Variants in NLN observed in about 807,000 individuals in gnomAD.
The protein encoded by NLN is neurolysin, also known as neurolysin, mitochondrial.
A neutral mutation model predicts 79.9 loss-of-function variants in NLN; 64 were observed. The observed-to-expected ratio is 0.80, with a 90% CI of 0.65 to 0.99. NLN has a LOEUF of 0.99. Among genes scored for constraint, NLN ranks in the 50% least tolerant of loss-of-function variants. The pLI, the probability that NLN is intolerant of heterozygous loss-of-function variation, is 0.00. For synonymous variants in NLN, 267 were observed against 296.6 expected, an observed-to-expected ratio of 0.90 and a Z score of 1.02; for missense variants, 835 against 858.7, an observed-to-expected ratio of 0.97 and a Z score of 0.34.
chr5:65,728,070 A>G (rs1242797619), intron 1 of NLN, among the ~76,000 whole-genome samples: 2 of 152,172 alleles, frequency 1.3e-5, no homozygotes, highest in Admixed American at 6.5e-5. Flanking sequence ...ACCTGGCCTA[A>G]AAAACACAGC....
At position 65,827,502 on chromosome 5, in the gene NLN, T is replaced by TA. The variant is rs1760942914; in HGVS notation, c.*4587_*4588insA. On this transcript the variant is annotated 3_prime_UTR_variant, in exon 13 of 13. Transcript: ENST00000380985. ...CGTCCAGCAAGACACGCATTGCTGT[T>TA]GATATCTTTGTGGCTAAGATGGAGA... 6.6e-6 allele frequency: 1 copy of TA among 152,212 alleles called. No individual in the cohort carries two copies. The highest frequency in any genetic ancestry group is 2.4e-5 in the African/African-American group (1 of 41,446). The allele number at this position is 152,212 out of a possible 1,614,324, so 9.4% of individuals were successfully genotyped here.
At chr5:65,810,238 TG>T in intron 11 of NLN, 73 bp downstream of exon 11, 1 of 1,334,680 alleles carries the variant, frequency 7.5e-7, no homozygotes, top group South Asian at 1.2e-5. Context: ...GCAGGGGAGA[TG>T]GAGTTTGTCA....
intron 2 of NLN, among the ~76,000 whole-genome samples, chr5:65,761,895 A>G (rs1759348542): frequency 6.6e-6 from 1 of 152,188 alleles, no homozygotes; most frequent in Non-Finnish European, 1.5e-5. Context: ...ACTGTCTACT[A>G]TATATCATAT....
chr5:65,793,126 G>A (rs1760103549), intron 9 of NLN: 1 of 263,482 alleles, frequency 3.8e-6, no homozygotes, highest in African/African-American at 2.3e-5. Flanking sequence ...AGATAATATA[G>A]TCTAACCATG....
At position 65,785,827 on chromosome 5, in the gene NLN, A is replaced by G. The variant is rs1759906401; in HGVS notation, c.875A>G (p.Lys292Arg). The change falls in exon 7 of 13, where the codon AAA (lysine) becomes AGA (arginine). Residue 292 changes from lysine to arginine, a missense_variant. Physicochemically the swap from Lys to Arg is conservative, Grantham distance 26. Transcript: ENST00000380985. Reference sequence around the variant, plus strand: ...CTCCCACTGCGAACCAAGGTGGCCAAACTACTCGGTTATAGCACACATGCT... The same window carrying G: ...CTCCCACTGCGAACCAAGGTGGCCAGACTACTCGGTTATAGCACACATGCT... ...QLLPLRTKVA[K>R]LLGYSTHADF... 6 of 1,613,936 alleles carry G rather than the reference A, an allele frequency of 3.7e-6. No homozygotes were observed. The highest frequency in any genetic ancestry group is 5.1e-6 in the Non-Finnish European group (6 of 1,179,834).
At chr5:65,743,000 A>G (rs2561226) in intron 1 of NLN, among the ~76,000 whole-genome samples, 36,009 of 152,144 alleles carry the variant, frequency 0.24, 4,395 homozygotes, top group African/African-American at 0.27. Context: ...TAAAACATAT[A>G]TGTTATATGC....
At chr5:65,736,518 C>T (rs1323191676) in intron 1 of NLN, among the ~76,000 whole-genome samples, 9 of 151,990 alleles carry the variant, frequency 5.9e-5, no homozygotes, top group Admixed American at 5.9e-4. Flanking sequence ...TACTAATTTA[C>T]TTCCTTCTCT....
chr5:65,749,092 TCTC>T (rs904238083), intron 1 of NLN, among the ~76,000 whole-genome samples: 1 of 152,186 alleles, frequency 6.6e-6, no homozygotes, highest in African/African-American at 2.4e-5. Flanking sequence ...TGCTCCTCCT[TCTC>T]CTTCTGCTAT....
At chr5:65,724,927 AAGTAG>A (rs1758429642) in intron 1 of NLN, among the ~76,000 whole-genome samples, 1 of 149,732 alleles carries the variant, frequency 6.7e-6, no homozygotes, top group African/African-American at 2.5e-5. Context: ...TCAGCCTCCC[AAGTAG>A]CTGGGACTAC....
At chr5:65,801,548 T>C (rs1246666717) in intron 9 of NLN, among the ~76,000 whole-genome samples, 1 of 152,252 alleles carries the variant, frequency 6.6e-6, no homozygotes, top group Non-Finnish European at 1.5e-5. Context: ...ATTTAAATGA[T>C]GTTGCCCAAA....
At chr5:65,774,627 G>A (rs1759639555) in intron 3 of NLN, among the ~76,000 whole-genome samples, 1 of 151,864 alleles carries the variant, frequency 6.6e-6, no homozygotes, top group Non-Finnish European at 1.5e-5. Context: ...AGCAAGGAGT[G>A]TCTGGTTATA....
chr5:65,762,002 A>G (rs1286168287), intron 2 of NLN, among the ~76,000 whole-genome samples: 1 of 152,228 alleles, frequency 6.6e-6, no homozygotes, highest in Admixed American at 6.5e-5. Context: ...ACTATAAACC[A>G]TACTTATTTT....
chr5:65,737,819 A>G (rs1579911451), intron 1 of NLN, among the ~76,000 whole-genome samples: 3 of 152,240 alleles, frequency 2.0e-5, no homozygotes, highest in East Asian at 3.9e-4. Flanking sequence ...AAAAAAGTAG[A>G]CCTAGTTGTA....
chr5:65,790,230 G>C (rs900065340), intron 8 of NLN, among the ~76,000 whole-genome samples: 1 of 152,046 alleles, frequency 6.6e-6, no homozygotes, highest in South Asian at 2.1e-4. Context: ...ATACACACAA[G>C]TTTGTAATCC....
chr5:65,727,535 AC>A (rs1420297219), intron 1 of NLN, among the ~76,000 whole-genome samples: 2 of 151,998 alleles, frequency 1.3e-5, no homozygotes, highest in East Asian at 1.9e-4. Flanking sequence ...TAAAAAAAAA[AC>A]AAAAAGCAAA....
At position 65,722,292 on chromosome 5, in the gene NLN, G is replaced by C. The variant is rs1041088066; in HGVS notation, c.-82G>C. ...GCGGCTAGGCCGGCTCGAGACTCCC[G>C]GGCGCCCAGGCGCTGCCGCCCGCCT... On this transcript the variant is annotated 5_prime_UTR_variant, in exon 1 of 13. Coordinates refer to ENST00000380985, the MANE Select transcript of NLN (RefSeq NM_020726.5). 8.7e-7 allele frequency: 1 copy of C among 1,146,494 alleles called. No homozygotes were observed. Among genetic ancestry groups the C allele is most frequent in the Admixed American group, 2.9e-5 (1 of 34,094 alleles). 71.0% of individuals were successfully genotyped at this position (1,146,494 alleles called of 1,614,324 possible).
At chr5:65,783,016 T>A (rs1391096516) in intron 6 of NLN, among the ~76,000 whole-genome samples, 1 of 152,216 alleles carries the variant, frequency 6.6e-6, no homozygotes, top group East Asian at 1.9e-4. Flanking sequence ...ACCCAATTTC[T>A]GGTATTAATC....
chr5:65,753,504 G>A (rs985355702), intron 1 of NLN, among the ~76,000 whole-genome samples: 1 of 152,058 alleles, frequency 6.6e-6, no homozygotes, highest in Non-Finnish European at 1.5e-5. Flanking sequence ...CAGAAAACTA[G>A]TCAGGCATGG....
rs1760938052 is a variant in NLN, at chr5:65,827,284, T to TCTAGTC, written c.*4371_*4376dup. ...CCTGAGAAAATACAGGTTCAACACATCTAGTCCACGATGTACGTACAAGGG... is the reference window on the plus strand; with the variant it reads ...CCTGAGAAAATACAGGTTCAACACATCTAGTCCTAGTCCACGATGTACGTACAAGGG... On this transcript the variant is annotated 3_prime_UTR_variant, in exon 13 of 13. Transcript: ENST00000380985. The TCTAGTC allele has an allele frequency of 6.6e-6, 1 of 152,122 alleles. No homozygotes were observed. The highest frequency in any genetic ancestry group is 1.5e-5 in the Non-Finnish European group (1 of 68,020). 9.4% of individuals were successfully genotyped at this position (152,122 alleles called of 1,614,324 possible).
Sources: gnomAD v4.1 joint callset for allele counts (sites outside exome capture counted in the v4.1 genomes callset) on GRCh38, gnomAD v4.1.1 for gene constraint, MANE v1.5 for transcripts, NCBI Gene and HGNC (gene_info 2026-07-23, HGNC 2026-07-21) for gene names.